The following CHD5 variants were observed in gnomAD, a reference collection of about 807,000 sequenced individuals.
CHD5 encodes the protein chromodomain helicase DNA binding protein 5.
CHD5 carries 69 observed loss-of-function variants against 230.3 expected under a neutral mutation model. That is an observed-to-expected ratio of 0.30 (90% CI 0.25 to 0.37). The LOEUF (loss-of-function observed/expected upper bound fraction) is 0.37, where lower values mean the gene tolerates loss of function less well. CHD5 is among the 10% of genes least tolerant of loss of function. CHD5 has a pLI of 1.00. For synonymous variants in CHD5, 1,064 were observed against 1,065.9 expected, an observed-to-expected ratio of 1.00 and a Z score of 0.03; for missense variants, 1,827 against 2,622.8, an observed-to-expected ratio of 0.70 and a Z score of 6.63.
In CHD5 at chr1:6,143,886, G is replaced by A. The variant is rs1666870177; in HGVS notation, c.1980C>T (p.Leu660=). The part of the protein sequence containing the change: ...GEDTRLPKRL[L]KKGKKLRDDK... ...CGTCCCTCAGCTTCTTGCCCTTCTTGAGCAGCCTCTTGGGCAGCCTGGTGT... is the reference window on the plus strand; with the variant it reads ...CGTCCCTCAGCTTCTTGCCCTTCTTAAGCAGCCTCTTGGGCAGCCTGGTGT... Residue 660 remains leucine (L), a synonymous_variant, in exon 13 of 42, where the codon CTC becomes CTT. Coordinates refer to ENST00000262450, the MANE Select transcript of CHD5 (RefSeq NM_015557.3). 2 of 1,596,714 alleles carry A rather than the reference G, an allele frequency of 1.3e-6. No individual in the cohort carries two copies. Among genetic ancestry groups the A allele is most frequent in the Non-Finnish European group, 1.7e-6 (2 of 1,169,796 alleles).
Position 6,146,620 on chromosome 1 carries a change from C to T in CHD5, c.1590+45G>A. ...CGCCAGCCCAGGAGGGTCCAGGGCT[C>T]ACCAGGTCCCGGGCCTTAGCACAGC... On this transcript the variant is annotated intron_variant, in intron 10 of 41. Coordinates refer to ENST00000262450, the MANE Select transcript of CHD5 (RefSeq NM_015557.3). The surrounding 1 kb of genome is among the most constrained non-coding windows in gnomAD (Gnocchi z 5.1). 6.3e-7 allele frequency: 1 copy of T among 1,593,646 alleles called. No homozygotes were observed. The highest frequency in any genetic ancestry group is 2.2e-5 in the East Asian group (1 of 44,748).
rs1667266648 is a variant in CHD5 at position 6,167,019 on chromosome 1, G to A, written c.207+1131C>T. ...AGCCACCTCCCCACCTCACTCTGCA[G>A]GGAGGCCTAGATCCGGGCCCAGCGC... On this transcript the variant is annotated intron_variant, in intron 2 of 41. Coordinates refer to ENST00000262450, the MANE Select transcript of CHD5 (RefSeq NM_015557.3). This position sits in a 1 kb window ranked among gnomAD's most constrained non-coding sequence, Gnocchi z 4.5. Among the ~76,000 whole-genome samples, 1 of 152,164 alleles carries A rather than the reference G, an allele frequency of 6.6e-6. No individual in the cohort carries two copies. Among genetic ancestry groups the A allele is most frequent in the African/African-American group, 2.4e-5 (1 of 41,440 alleles).
chr1:6,113,020 C>T (rs757614417), intron 33 of CHD5, 22 bp from the exon 34 acceptor site: 60 of 1,552,478 alleles, frequency 3.9e-5, no homozygotes, highest in Non-Finnish European at 4.7e-5. Flanking sequence ...AGAGGGTTCG[C>T]GGCATGGGGT....
intron 20 of CHD5, among the ~76,000 whole-genome samples, chr1:6,132,880 T>TTCTCTCTCTCTCTCTCTC (rs111561200): frequency 1.0e-3 from 146 of 144,518 alleles, no homozygotes; most frequent in African/African-American, 3.3e-3. Context: ...TCCTATTCTT[T>TTCTCTCTCTCTCTCTCTC]TCTCTCTCTC....
chr1:6,147,002 G>A (rs796196202), intron 9 of CHD5, 131 bp from the exon 10 acceptor site: 12 of 693,904 alleles, frequency 1.7e-5, no homozygotes, highest in African/African-American at 9.0e-5. Context: ...ACAGTACCAC[G>A]GTGACGCCAT....
At chr1:6,141,399 T>A (rs1344082371) in intron 15 of CHD5, among the ~76,000 whole-genome samples, 1 of 151,824 alleles carries the variant, frequency 6.6e-6, no homozygotes, top group Non-Finnish European at 1.5e-5. Context: ...GCAGATCACT[T>A]GAGGTCACAA....
chr1:6,123,879 T>A lies in CHD5; in HGVS notation c.4699+69A>T, dbSNP rs576746168. 1.0e-5 allele frequency: 12 copies of A among 1,176,616 alleles called. No homozygotes were observed. In the African/African-American group the frequency reaches 1.6e-4, roughly 16 times the overall value. The allele number at this position is 1,176,616 out of a possible 1,614,324, so 72.9% of individuals were successfully genotyped here. On this transcript the variant is annotated intron_variant, in intron 31 of 41. Coordinates refer to ENST00000262450, the MANE Select transcript of CHD5 (RefSeq NM_015557.3). ...TCTTCTGTGGGATTGTGGGTTAGAC[T>A]AGGGGTTTCTGTGACCTTGCCACTT...
At chr1:6,144,445 G>A (rs181527421) in intron 11 of CHD5, among the ~76,000 whole-genome samples, 127 of 152,350 alleles carry the variant, frequency 8.3e-4, no homozygotes, top group Non-Finnish European at 1.5e-3. Context: ...CTGTGGCAGG[G>A]ATGAATCCCA....
At chr1:6,175,012 G>T (rs1667401756) in intron 1 of CHD5, among the ~76,000 whole-genome samples, 1 of 150,596 alleles carries the variant, frequency 6.6e-6, no homozygotes, top group Non-Finnish European at 1.5e-5. Context: ...ATGGATGGCT[G>T]AATGGATAAT....
In CHD5 at chr1:6,147,013, G is replaced by C. The variant is rs1205539086; in HGVS notation, c.1384-142C>G. 1.2e-5 allele frequency: 8 copies of C among 652,678 alleles called. No homozygotes were observed. In the East Asian group the frequency reaches 2.3e-4, roughly 19 times the overall value. 40.4% of individuals were successfully genotyped at this position (652,678 alleles called of 1,614,324 possible). On this transcript the variant is annotated intron_variant, in intron 9 of 41. Transcript: ENST00000262450. ...CAGAACAGTACCACGGTGACGCCAT[G>C]ACATCCACCCCGTCCCCAGGAGCCG...
intron 9 of CHD5, among the ~76,000 whole-genome samples, chr1:6,148,241 C>T (rs1047638642): frequency 2.0e-5 from 3 of 152,112 alleles, no homozygotes; most frequent in Non-Finnish European, 4.4e-5. Context: ...AAGGGGCCTT[C>T]CGATGTCTAC....
intron 33 of CHD5, among the ~76,000 whole-genome samples, chr1:6,119,726 C>T (rs755679087): frequency 1.5e-4 from 22 of 148,640 alleles, no homozygotes; most frequent in Admixed American, 1.2e-3. Flanking sequence ...TGTATATATA[C>T]GTACATATAT....
In CHD5 at chr1:6,167,582, A is replaced by C. The variant is rs141154104; in HGVS notation, c.207+568T>G. 6.6e-6 allele frequency among the ~76,000 whole-genome samples: 1 copy of C among 152,310 alleles called. No homozygotes were observed. Among genetic ancestry groups the C allele is most frequent in the Non-Finnish European group, 1.5e-5 (1 of 68,028 alleles). On this transcript the variant is annotated intron_variant, in intron 2 of 41. Coordinates refer to ENST00000262450, the MANE Select transcript of CHD5 (RefSeq NM_015557.3). The surrounding 1 kb of genome is among the most constrained non-coding windows in gnomAD (Gnocchi z 4.5). Reference sequence around the variant, plus strand: ...AAGTGAGCCCGCGTGAAGCACAGAGAAGCACACTCGGAATGTGTCAGCAGC... The same window carrying C: ...AAGTGAGCCCGCGTGAAGCACAGAGCAGCACACTCGGAATGTGTCAGCAGC...
chr1:6,161,190 G>A (rs1036305565), intron 2 of CHD5, among the ~76,000 whole-genome samples: 3 of 152,122 alleles, frequency 2.0e-5, no homozygotes, highest in Admixed American at 6.5e-5. Flanking sequence ...AAAGGCGGGG[G>A]GCCTCCCTGG....
chr1:6,123,468 C>T (rs11121262), intron 31 of CHD5, among the ~76,000 whole-genome samples: 24,128 of 151,842 alleles, frequency 0.16, 3,373 homozygotes, highest in African/African-American at 0.36. Flanking sequence ...CTTTGTCCCC[C>T]CAGGCTGGAG....
rs537614432 is a variant in CHD5, at chr1:6,167,665, G to A, written c.207+485C>T. On this transcript the variant is annotated intron_variant, in intron 2 of 41. Transcript: ENST00000262450. This position sits in a 1 kb window ranked among gnomAD's most constrained non-coding sequence, Gnocchi z 4.5. ...CACCCTGCCAACCCAAGGCAGCGGA[G>A]CATGCGGCAGCCTCGCCCATCCAGA... 2.6e-5 allele frequency among the ~76,000 whole-genome samples: 4 copies of A among 152,330 alleles called. No individual in the cohort carries two copies. The highest frequency in any genetic ancestry group is 7.2e-5 in the African/African-American group (3 of 41,582).
intron 33 of CHD5, among the ~76,000 whole-genome samples, chr1:6,117,222 GT>G (rs1666391750): frequency 6.6e-6 from 1 of 152,140 alleles, no homozygotes; most frequent in African/African-American, 2.4e-5. Flanking sequence ...CACATATCTA[GT>G]TATTACAACA....
At chr1:6,135,105 T>G in intron 18 of CHD5, 125 bp downstream of exon 18, 1 of 1,168,556 alleles carries the variant, frequency 8.6e-7, no homozygotes, top group South Asian at 1.3e-5. Context: ...AGAAAGTGTA[T>G]GCAAAGCATT....
Position 6,125,252 on chromosome 1 carries a change from G to A in CHD5, c.4261-19C>T, listed in dbSNP as rs1199908669. On this transcript the variant is annotated intron_variant, in intron 28 of 41. Coordinates refer to ENST00000262450, the MANE Select transcript of CHD5 (RefSeq NM_015557.3). The surrounding 1 kb of genome is among the most constrained non-coding windows in gnomAD (Gnocchi z 6.7). ...CCAGCACCTGGGCGAGTGGAGCGTG[G>A]GAGTATGAGCCCAGGACAGAGAGGG... 3 of 1,595,754 alleles carry A rather than the reference G, an allele frequency of 1.9e-6. No individual in the cohort carries two copies. The highest frequency in any genetic ancestry group is 8.5e-7 in the Non-Finnish European group (1 of 1,176,840).
Sources: allele counts gnomAD v4.1 joint callset (sites outside exome capture counted in the v4.1 genomes callset), GRCh38; gene constraint gnomAD v4.1.1; non-coding constraint Gnocchi (gnomAD v3.1); transcripts MANE v1.5; gene names NCBI Gene and HGNC (gene_info 2026-07-23, HGNC 2026-07-21).